DIAPH3: variants seen among roughly 807,000 people sequenced by gnomAD.
The protein encoded by DIAPH3 is diaphanous related formin 3.
Under a neutral mutation model 144.3 loss-of-function variants are expected in DIAPH3, and 117 were observed. That is an observed-to-expected ratio of 0.81 (90% confidence interval 0.70 to 0.95). DIAPH3 has a LOEUF of 0.95. Ranked by LOEUF, DIAPH3 falls within the 40% of genes least tolerant of loss-of-function variation. The probability of loss-of-function intolerance (pLI) is 0.00; values close to 1 mark genes in which losing one functional copy is unlikely to be tolerated. For synonymous variants in DIAPH3, 519 were observed against 488.9 expected (o/e 1.06, Z -0.81); for missense variants, 1,421 against 1,412.7 (o/e 1.01, Z -0.09).
At chr13:59,953,484 G>A (rs552523459) in intron 17 of DIAPH3, among the ~76,000 whole-genome samples, 16 of 152,264 alleles carry the variant, frequency 1.1e-4, no homozygotes, top group African/African-American at 3.6e-4. Context: ...GGTGAAAGAC[G>A]TACTCTAAGT....
At chr13:60,009,701 T>G (rs1038658603) in intron 8 of DIAPH3, among the ~76,000 whole-genome samples, 1 of 152,134 alleles carries the variant, frequency 6.6e-6, no homozygotes, top group African/African-American at 2.4e-5. Flanking sequence ...GGCCGAGTGG[T>G]GTCTTTGACT....
chr13:60,160,752 C>G (rs1009687762), intron 1 of DIAPH3, among the ~76,000 whole-genome samples: 1 of 152,166 alleles, frequency 6.6e-6, no homozygotes, highest in Non-Finnish European at 1.5e-5. Context: ...TCAATGCTCA[C>G]GGCTTAAGAT....
chr13:59,680,477 A>G (rs1249475856), intron 27 of DIAPH3, among the ~76,000 whole-genome samples: 1 of 152,162 alleles, frequency 6.6e-6, no homozygotes, highest in Non-Finnish European at 1.5e-5. Context: ...TACCCCAACA[A>G]TTAGACCAGC....
At chr13:59,879,174 G>T in intron 21 of DIAPH3, 55 bp downstream of exon 21, 1 of 1,610,940 alleles carries the variant, frequency 6.2e-7, no homozygotes, top group Non-Finnish European at 8.5e-7. Context: ...AATCAGGGCT[G>T]ACATTTAAGA....
chr13:59,779,203 C>T (rs769453651), intron 25 of DIAPH3, among the ~76,000 whole-genome samples: 1 of 152,254 alleles, frequency 6.6e-6, no homozygotes, highest in South Asian at 2.1e-4. Context: ...GGGAAGAATA[C>T]AATAATGAAG....
chr13:60,010,818 G>A, intron 7 of DIAPH3, 149 bp from the exon 8 acceptor site: 1 of 807,672 alleles, frequency 1.2e-6, no homozygotes, highest in East Asian at 2.8e-5. Flanking sequence ...ACTCTAAAAA[G>A]TTCATGGCTG....
chr13:60,142,314 C>T (rs1156693307), intron 1 of DIAPH3, among the ~76,000 whole-genome samples: 1 of 152,022 alleles, frequency 6.6e-6, no homozygotes, highest in Non-Finnish European at 1.5e-5. Flanking sequence ...GTTATGCTTC[C>T]AGGAGTCATT....
chr13:59,735,970 T>TG (rs1262529461), intron 27 of DIAPH3, among the ~76,000 whole-genome samples: 1 of 152,122 alleles, frequency 6.6e-6, no homozygotes, highest in Non-Finnish European at 1.5e-5. Flanking sequence ...GGCCCCAGTG[T>TG]GTGTTGTTCC....
chr13:59,953,525 T>C (rs973198358), intron 17 of DIAPH3, among the ~76,000 whole-genome samples: 8 of 151,938 alleles, frequency 5.3e-5, no homozygotes, highest in Non-Finnish European at 1.5e-5. Context: ...AAGGAACCAA[T>C]AGGAATTTTG....
intron 25 of DIAPH3, among the ~76,000 whole-genome samples, chr13:59,796,745 A>G (rs2039628542): frequency 6.6e-6 from 1 of 152,232 alleles, no homozygotes; most frequent in Non-Finnish European, 1.5e-5. Flanking sequence ...AAGGGGGGAA[A>G]AAAACCATAC....
At chr13:59,816,789 T>C (rs950025236) in intron 24 of DIAPH3, among the ~76,000 whole-genome samples, 20 of 151,844 alleles carry the variant, frequency 1.3e-4, no homozygotes, top group African/African-American at 4.6e-4. Context: ...TGTGTAAAGA[T>C]CAAATCACGG....
At chr13:60,003,646 T>C (rs1157058485) in intron 9 of DIAPH3, among the ~76,000 whole-genome samples, 1 of 151,892 alleles carries the variant, frequency 6.6e-6, no homozygotes, top group African/African-American at 2.4e-5. Context: ...CGATCTCGGC[T>C]CACTGCAAGC....
chr13:59,683,422 G>T (rs1048302891), intron 27 of DIAPH3, among the ~76,000 whole-genome samples: 40 of 152,130 alleles, frequency 2.6e-4, no homozygotes, highest in African/African-American at 9.7e-4. Context: ...TGGGGGTGGG[G>T]TGTCATCTGT....
chr13:59,906,595 A>G (rs917370053), intron 20 of DIAPH3, among the ~76,000 whole-genome samples: 2 of 152,228 alleles, frequency 1.3e-5, no homozygotes, highest in African/African-American at 4.8e-5. Flanking sequence ...TCAGCTGCAC[A>G]AAGTTTAAAA....
intron 3 of DIAPH3, among the ~76,000 whole-genome samples, chr13:60,108,552 G>C (rs1450752478): frequency 6.6e-6 from 1 of 151,988 alleles, no homozygotes; most frequent in Non-Finnish European, 1.5e-5. Context: ...GTTGCAATAA[G>C]CCAAGATCAT....
intron 25 of DIAPH3, among the ~76,000 whole-genome samples, chr13:59,802,571 T>TA (rs922643807): frequency 1.4e-5 from 2 of 147,458 alleles, no homozygotes; most frequent in African/African-American, 2.5e-5. Context: ...GAAAAGTTTT[T>TA]TTTTTTTACT....
chr13:60,011,572 A>G (rs1248962851), intron 7 of DIAPH3, among the ~76,000 whole-genome samples: 1 of 152,218 alleles, frequency 6.6e-6, no homozygotes, highest in Non-Finnish European at 1.5e-5. Flanking sequence ...CTTCCTAAAT[A>G]GTTGAAATCC....
intron 25 of DIAPH3, among the ~76,000 whole-genome samples, chr13:59,801,866 A>G (rs2139479717): frequency 1.3e-5 from 2 of 152,374 alleles, no homozygotes; most frequent in Admixed American, 1.3e-4. Context: ...ATTTACATGT[A>G]ACATATAAAT....
chr13:59,960,420 C>A (rs1172473488), intron 17 of DIAPH3, among the ~76,000 whole-genome samples: 3 of 152,090 alleles, frequency 2.0e-5, no homozygotes, highest in African/African-American at 4.8e-5. Context: ...AGGAGTAATC[C>A]ATTCCTAAAA....
Sources: allele counts gnomAD v4.1 joint callset (sites outside exome capture counted in the v4.1 genomes callset), GRCh38; gene constraint gnomAD v4.1.1; transcripts MANE v1.5; gene names NCBI Gene and HGNC (gene_info 2026-07-23, HGNC 2026-07-21).